Variants in RPL18 observed in about 807,000 individuals in gnomAD.
RPL18 encodes ribosomal protein L18.
In RPL18, 4 loss-of-function variants were observed where a neutral mutation model predicts 25.0. That is an observed-to-expected ratio of 0.16 (90% CI 0.08 to 0.37). RPL18 has a LOEUF of 0.37. RPL18 is among the 10% of genes least tolerant of loss of function. RPL18 has a pLI of 1.00. For missense variants in RPL18, 179 were observed against 267.9 expected (o/e 0.67, Z 2.32); for synonymous variants, 129 against 101.6 (o/e 1.27, Z -1.62).
intron 1 of RPL18, 93 bp downstream of exon 1, chr19:48,619,048 A>G: frequency 1.5e-6 from 2 of 1,372,570 alleles, no homozygotes; most frequent in Non-Finnish European, 2.0e-6. Context: ...GGGCAGCCGC[A>G]GACCCCCTGC....
chr19:48,617,429 G>A lies in RPL18; in HGVS notation c.91-6C>T, dbSNP rs200746885. On this transcript the variant is annotated splice_region_variant and splice_polypyrimidine_tract_variant and intron_variant, in intron 2 of 6. Transcript: ENST00000549920. ...CTGGCCAGAAACCTGTATAACTGGA[G>A]GGACGGGAAGACAGTGAGAAGCTGG... The A allele has an allele frequency of 1.1e-5, 18 of 1,607,558 alleles. No homozygotes were observed. The Middle Eastern group carries it at 5.0e-4, about 44-fold the overall frequency.
rs750885679 is a variant in RPL18, at chr19:48,617,370, C to T, written c.144G>A (p.Leu48=). Residue 48 remains leucine, a synonymous_variant, in exon 3 of 7, where the codon TTG becomes TTA. Coordinates refer to ENST00000549920, the MANE Select transcript of RPL18 (RefSeq NM_000979.4). The part of the protein sequence containing the change: ...RTNSTFNQVV[L]KRLFMSRTNR... Reference sequence around the variant, plus strand: ...TGGTGCGACTCATAAACAACCTCTTCAACACAACCTGGTTGAATGTGGAGT... The same window carrying T: ...TGGTGCGACTCATAAACAACCTCTTTAACACAACCTGGTTGAATGTGGAGT... 6 of 1,614,072 alleles carry T rather than the reference C, an allele frequency of 3.7e-6. No homozygotes were observed. The highest frequency in any genetic ancestry group is 1.1e-5 in the South Asian group (1 of 91,084).
In RPL18 at chr19:48,615,440, C is replaced by A; in HGVS notation, c.499G>T (p.Val167Phe). The stretch of plus-strand genomic sequence containing the variant: ...TCGAACTTCCGGCCCTTGGAGCGGA[C>A]GTAGGGTCTGTGGGGAGAGGAGGGA... ...GTPHSHTKPY[V>F]RSKGRKFERA... is the part of the protein sequence containing the mutation. Residue 167 changes from valine to phenylalanine, a missense_variant, in exon 7 of 7, where the codon GTC becomes TTC. Val to Phe is a conservative substitution (Grantham distance 50). Transcript: ENST00000549920. 6.2e-7 allele frequency: 1 copy of A among 1,612,802 alleles called. No individual in the cohort carries two copies. The highest frequency in any genetic ancestry group is 8.5e-7 in the Non-Finnish European group (1 of 1,179,362).
rs549752964 is a variant in RPL18, at chr19:48,618,819, T to TA, written c.3+321dup. ...CATACTAGAAAGTGACAGGTCCAGA[T>TA]AAAGGCAGCAAAGCCAAATAACTAA... On this transcript the variant is annotated intron_variant, in intron 1 of 6. Coordinates refer to ENST00000549920, the MANE Select transcript of RPL18 (RefSeq NM_000979.4). 1.2e-3 allele frequency: 544 copies of TA among 441,868 alleles called. 2 individuals carry two copies. The highest frequency in any genetic ancestry group is 9.6e-3 in the African/African-American group (478 of 49,608). 27.4% of individuals were successfully genotyped at this position (441,868 alleles called of 1,614,324 possible).
chr19:48,617,431 G>C lies in RPL18; in HGVS notation c.91-8C>G, dbSNP rs770723405. The C allele has an allele frequency of 6.2e-7, 1 of 1,604,684 alleles. No homozygotes were observed. The highest frequency in any genetic ancestry group is 8.5e-7 in the Non-Finnish European group (1 of 1,171,590). On this transcript the variant is annotated splice_region_variant and splice_polypyrimidine_tract_variant and intron_variant, in intron 2 of 6. Coordinates refer to ENST00000549920, the MANE Select transcript of RPL18 (RefSeq NM_000979.4). ...GGCCAGAAACCTGTATAACTGGAGGGACGGGAAGACAGTGAGAAGCTGGGA... is the reference window on the plus strand; with the variant it reads ...GGCCAGAAACCTGTATAACTGGAGGCACGGGAAGACAGTGAGAAGCTGGGA...
At chr19:48,616,304 C>A in intron 4 of RPL18, 102 bp from the exon 5 acceptor site, 3 of 1,481,096 alleles carry the variant, frequency 2.0e-6, no homozygotes, top group Non-Finnish European at 2.8e-6. Context: ...GCCCTGGTAA[C>A]CAACACTATC....
intron 1 of RPL18, chr19:48,618,553 C>T: frequency 6.3e-6 from 1 of 159,084 alleles, no homozygotes. Flanking sequence ...ACTTATGCAG[C>T]ACTTACTGTG....
chr19:48,617,824 C>T lies in RPL18; in HGVS notation c.57G>A (p.Lys19=). ...KDRKVRRKEP[K]SQDIYLRLLV... is the part of the protein sequence containing the mutation. ...ACAGCCTCAGGTAGATATCCTGGCT[C>T]TTGGGCTCCTTGCGCCGAACCTTTC... is the stretch of plus-strand genomic sequence containing the variant. The change falls in exon 2 of 7, where the codon AAG becomes AAA. Residue 19 remains lysine (K), a synonymous_variant. Coordinates refer to ENST00000549920, the MANE Select transcript of RPL18 (RefSeq NM_000979.4). The T allele has an allele frequency of 6.2e-7, 1 of 1,614,208 alleles. No individual in the cohort carries two copies. The highest frequency in any genetic ancestry group is 1.1e-5 in the South Asian group (1 of 91,086).
At chr19:48,615,505 G>A in intron 6 of RPL18, 58 bp from the exon 7 acceptor site, 2 of 1,282,768 alleles carry the variant, frequency 1.6e-6, no homozygotes, top group Admixed American at 1.8e-5. Flanking sequence ...ATTGTGGAGT[G>A]GCACAGGAAC....
In RPL18 at chr19:48,616,945, C is replaced by G. The variant is rs537419854; in HGVS notation, c.199-121G>C. The stretch of plus-strand genomic sequence containing the variant: ...CGGGACCCCCCACTCACACCACACC[C>G]CTTAAACCCCACAGGCCTCTCCTCA... On this transcript the variant is annotated intron_variant, in intron 3 of 6. Coordinates refer to ENST00000549920, the MANE Select transcript of RPL18 (RefSeq NM_000979.4). 20 of 755,572 alleles carry G rather than the reference C, an allele frequency of 2.6e-5. 1 individual carries two copies. The South Asian group carries it at 2.8e-4, about 11-fold the overall frequency. 46.8% of individuals were successfully genotyped at this position (755,572 alleles called of 1,614,324 possible). A position where few individuals can be genotyped will look rare whatever the true frequency, so the allele number is the denominator to read the frequency against.
intron 1 of RPL18, 131 bp from the exon 2 acceptor site, chr19:48,618,008 C>T: frequency 4.5e-6 from 3 of 662,610 alleles, no homozygotes; most frequent in Non-Finnish European, 8.0e-6. Flanking sequence ...AGGCCCACCA[C>T]CAGGAGACCT....
Position 48,617,863 on chromosome 19 carries a change from G to A in RPL18, c.18C>T (p.Arg6=), listed in dbSNP as rs746975919. 1.9e-6 allele frequency: 3 copies of A among 1,613,974 alleles called. No homozygotes were observed. Among genetic ancestry groups the A allele is most frequent in the South Asian group, 2.2e-5 (2 of 91,070 alleles). Residue 6 remains arginine, a synonymous_variant, in exon 2 of 7, where the codon CGC becomes CGT. Transcript: ENST00000549920. The part of the protein sequence containing the change: MGVDI[R]HNKDRKVRRK... ...GCCGAACCTTTCGGTCCTTGTTATG[G>A]CGGATGTCCACTCCCTGTGGGGGTG...
At chr19:48,615,628 G>T in intron 6 of RPL18, 181 bp from the exon 7 acceptor site, 1 of 656,462 alleles carries the variant, frequency 1.5e-6, no homozygotes. Context: ...CCCACCACCT[G>T]GAGGGTCCCA....
intron 4 of RPL18, 157 bp downstream of exon 4, chr19:48,616,569 C>T (rs775290381): frequency 2.7e-6 from 2 of 732,714 alleles, no homozygotes; most frequent in South Asian, 2.9e-5. Context: ...CCAGAGACGA[C>T]CCACACCAAT....
intron 1 of RPL18, chr19:48,618,921 A>G (rs555534166): frequency 8.2e-5 from 47 of 574,964 alleles, no homozygotes; most frequent in Non-Finnish European, 1.4e-4. Flanking sequence ...CAGTCATATC[A>G]GCCTCCGAGT....
chr19:48,615,470 GA>G (rs763221107), intron 6 of RPL18, 23 bp from the exon 7 acceptor site: 36 of 1,592,792 alleles, frequency 2.3e-5, no homozygotes, highest in African/African-American at 9.4e-5. Context: ...GAGGGAGTGA[GA>G]GGGGGGCCCT....
chr19:48,617,451 C>G, intron 2 of RPL18, 28 bp from the exon 3 acceptor site: 1 of 1,518,528 alleles, frequency 6.6e-7, no homozygotes, highest in South Asian at 1.1e-5. Flanking sequence ...CAGTGAGAAG[C>G]TGGGACAGCC....
intron 5 of RPL18, 48 bp from the exon 6 acceptor site, chr19:48,615,994 G>C: frequency 6.2e-7 from 1 of 1,613,422 alleles, no homozygotes; most frequent in South Asian, 1.1e-5. Context: ...CTGGCGCCCA[G>C]CTTCTGGCCT....
In RPL18 at chr19:48,619,154, C is replaced by G. The variant is rs769575687; in HGVS notation, c.-11G>C. 1.3e-6 allele frequency: 2 copies of G among 1,596,330 alleles called. No homozygotes were observed. The highest frequency in any genetic ancestry group is 1.7e-6 in the Non-Finnish European group (2 of 1,172,380). On this transcript the variant is annotated 5_prime_UTR_variant, in exon 1 of 7. Transcript: ENST00000549920. ...AAGCGAGCTCACCATGATGGCGCCT[C>G]CTGCTCGGCCAGGTCCGGAAAGAGA...
Sources: allele counts gnomAD v4.1 joint callset, GRCh38; gene constraint gnomAD v4.1.1; transcripts MANE v1.5; gene names NCBI Gene and HGNC (gene_info 2026-07-23, HGNC 2026-07-21).